The following SLC2A9 variants were observed in gnomAD, a reference collection of about 807,000 sequenced individuals.
SLC2A9 encodes solute carrier family 2 member 9, also known as solute carrier family 2, facilitated glucose transporter member 9.
SLC2A9 carries 39 observed loss-of-function variants against 50.6 expected under a neutral mutation model. That is an observed-to-expected ratio of 0.77 (90% CI 0.60 to 1.01). The LOEUF (loss-of-function observed/expected upper bound fraction) is 1.01. Ranked by LOEUF, SLC2A9 falls within the 50% of genes least tolerant of loss-of-function variation. SLC2A9 has a pLI of 0.00. For synonymous variants in SLC2A9, 324 were observed against 276.9 expected (o/e 1.17, Z -1.69); for missense variants, 686 against 677.6 (o/e 1.01, Z -0.14).
Position 9,996,349 on chromosome 4 carries a change from C to T in SLC2A9, c.410+432G>A, listed in dbSNP as rs113962529. On this transcript the variant is annotated intron_variant, in intron 3 of 11. Transcript: ENST00000264784. ...GCACTGTGTTTTCCATTTGCCCCAA[C>T]ACCCAGATCAATTCCCCTCCCCTCC... Among the ~76,000 whole-genome samples the T allele has an allele frequency of 4.5e-3, 692 of 152,340 alleles. 3 individuals carry two copies. The highest frequency in any genetic ancestry group is 0.015 in the African/African-American group (643 of 41,574).
At chr4:10,030,406 G>A (rs1194345682) in intron 1 of SLC2A9, among the ~76,000 whole-genome samples, 1 of 152,192 alleles carries the variant, frequency 6.6e-6, no homozygotes, top group East Asian at 1.9e-4. Flanking sequence ...AAGTAATTAT[G>A]CCTTTGTCCA....
In SLC2A9 at chr4:9,943,100, G is replaced by A. The variant is rs147107006; in HGVS notation, c.682-1055C>T. Among the ~76,000 whole-genome samples, 317 of 152,280 alleles carry A rather than the reference G, an allele frequency of 2.1e-3. 2 individuals carry two copies. Among genetic ancestry groups the A allele is most frequent in the African/African-American group, 7.0e-3 (289 of 41,558 alleles). On this transcript the variant is annotated intron_variant, in intron 5 of 11. Coordinates refer to ENST00000264784, the MANE Select transcript of SLC2A9 (RefSeq NM_020041.3). The stretch of plus-strand genomic sequence containing the variant: ...CTCCCCACCTCTCCCCCAGCTGCCC[G>A]CTGGGAGGCAGGGCTTCCCTCTGCT...
At chr4:9,887,492 G>C (rs748993602) in intron 10 of SLC2A9, 75 bp downstream of exon 10, 9 of 1,412,018 alleles carry the variant, frequency 6.4e-6, no homozygotes, top group Non-Finnish European at 8.7e-6. Flanking sequence ...TTCCCCATCT[G>C]TATGAGGAGA....
chr4:9,984,452 G>A (rs1029043397), intron 4 of SLC2A9, among the ~76,000 whole-genome samples: 2 of 152,186 alleles, frequency 1.3e-5, no homozygotes, highest in African/African-American at 4.8e-5. Flanking sequence ...GAGAGACAGA[G>A]TGTGTGTTTC....
At chr4:9,815,471 G>A (rs1165828280) in intron 3 of SLC2A9, among the ~76,000 whole-genome samples, 1 of 152,226 alleles carries the variant, frequency 6.6e-6, no homozygotes, top group East Asian at 1.9e-4. Context: ...GCAGAGGTAG[G>A]CAGATCACAG....
At chr4:10,016,673 C>T (rs1762665659) in intron 2 of SLC2A9, among the ~76,000 whole-genome samples, 1 of 152,136 alleles carries the variant, frequency 6.6e-6, no homozygotes, top group Admixed American at 6.5e-5. Flanking sequence ...GTCCTTCTCA[C>T]TGACACCAAA....
At chr4:9,795,209 C>A (rs1241514228), downstream of SLC2A9, among the ~76,000 whole-genome samples, 1 of 151,900 alleles carries the variant, frequency 6.6e-6, no homozygotes, top group Non-Finnish European at 1.5e-5. Context: ...GACAGGGTTT[C>A]ACCATGTTGG....
intron 2 of SLC2A9, among the ~76,000 whole-genome samples, chr4:10,015,825 C>T (rs1762519871): frequency 6.6e-6 from 1 of 152,214 alleles, no homozygotes; most frequent in South Asian, 2.1e-4. Context: ...TGTTTTGTTA[C>T]AGCCAAAGAC....
chr4:10,019,261 G>A (rs1486989969), intron 1 of SLC2A9, 188 bp from the exon 2 acceptor site: 8 of 599,340 alleles, frequency 1.3e-5, no homozygotes, highest in Non-Finnish European at 2.1e-5. Context: ...CCAGGTCCGC[G>A]TGCGCAGGCC....
chr4:9,960,770 G>C (rs973056553), intron 5 of SLC2A9, among the ~76,000 whole-genome samples: 1 of 152,204 alleles, frequency 6.6e-6, no homozygotes, highest in African/African-American at 2.4e-5. Context: ...TCCAGGCCCA[G>C]GGAGTGGCAT....
At chr4:9,849,596 G>C (rs946017503) in intron 10 of SLC2A9, among the ~76,000 whole-genome samples, 7 of 152,208 alleles carry the variant, frequency 4.6e-5, no homozygotes, top group Admixed American at 3.9e-4. Flanking sequence ...TGGACTGTCT[G>C]GGGGAGAGGA....
intron 1 of SLC2A9, among the ~76,000 whole-genome samples, chr4:10,030,207 G>C (rs970603592): frequency 1.3e-5 from 2 of 152,144 alleles, no homozygotes; most frequent in African/African-American, 4.8e-5. Flanking sequence ...TGCAAGACTA[G>C]ATTTTAAATG....
intron 10 of SLC2A9, among the ~76,000 whole-genome samples, chr4:9,863,717 G>T (rs1484321877): frequency 6.6e-6 from 1 of 151,998 alleles, no homozygotes; most frequent in African/African-American, 2.4e-5. Context: ...TCTTTTGCTC[G>T]CTAGACCTGA....
intron 10 of SLC2A9, among the ~76,000 whole-genome samples, chr4:9,861,881 C>T (rs1276483241): frequency 6.6e-6 from 1 of 152,142 alleles, no homozygotes; most frequent in African/African-American, 2.4e-5. Context: ...TTGATCAAAT[C>T]CTTCCTCTGC....
intron 8 of SLC2A9, among the ~76,000 whole-genome samples, chr4:9,891,772 CAG>C (rs879292950): frequency 5.9e-5 from 9 of 152,266 alleles, no homozygotes; most frequent in Non-Finnish European, 1.2e-4. Context: ...CAGGAGCAGA[CAG>C]AGATGTGGAG....
At chr4:9,888,673 G>A (rs533789572) in intron 9 of SLC2A9, among the ~76,000 whole-genome samples, 1 of 152,088 alleles carries the variant, frequency 6.6e-6, no homozygotes, top group Admixed American at 6.5e-5. Context: ...GAAAGGAAAG[G>A]AAAGAGGTTC....
intron 5 of SLC2A9, among the ~76,000 whole-genome samples, chr4:9,978,767 G>T (rs1755230333): frequency 1.3e-5 from 2 of 152,154 alleles, no homozygotes; most frequent in African/African-American, 4.8e-5. Context: ...ACCCAGAATG[G>T]TCATAATAAA....
At chr4:9,967,859 C>G (rs982941443) in intron 5 of SLC2A9, among the ~76,000 whole-genome samples, 1 of 151,798 alleles carries the variant, frequency 6.6e-6, no homozygotes, top group Non-Finnish European at 1.5e-5. Context: ...ATGAAAGTTA[C>G]GAAAGTCTGT....
intron 10 of SLC2A9, among the ~76,000 whole-genome samples, chr4:9,852,089 C>A (rs1730021913): frequency 6.6e-6 from 1 of 152,138 alleles, no homozygotes; most frequent in South Asian, 2.1e-4. Flanking sequence ...GATACATAGT[C>A]CGTCAGATTC....
Sources: allele counts gnomAD v4.1 joint callset (sites outside exome capture counted in the v4.1 genomes callset), GRCh38; gene constraint gnomAD v4.1.1; transcripts MANE v1.5; gene names NCBI Gene and HGNC (gene_info 2026-07-23, HGNC 2026-07-21).